ESRRG: variants seen among roughly 807,000 people sequenced by gnomAD.
ESRRG encodes the protein estrogen-related receptor gamma.
A neutral mutation model predicts 44.0 loss-of-function variants in ESRRG; 13 were observed. That is an observed-to-expected ratio of 0.30 (90% CI 0.19 to 0.47). The LOEUF is 0.47. Among genes scored for constraint, ESRRG ranks in the 20% least tolerant of loss-of-function variants. The pLI is 1.00. For missense variants in ESRRG, 395 were observed against 580.6 expected (o/e 0.68, Z 3.29); for synonymous variants, 215 against 214.6 (o/e 1.00, Z -0.02).
chr1:217,056,243 T>C (rs1485937554), intron 1 of ESRRG, among the ~76,000 whole-genome samples: 1 of 152,062 alleles, frequency 6.6e-6, no homozygotes, highest in Non-Finnish European at 1.5e-5. Flanking sequence ...AAGTGAGAAA[T>C]ACTTTAAGAC....
chr1:216,714,667 T>C, intron 1 of ESRRG: 1 of 525,794 alleles, frequency 1.9e-6, no homozygotes, highest in Non-Finnish European at 2.4e-6. Context: ...AAAAATACAA[T>C]TTGAGTTTTT....
At chr1:216,525,431 C>CA (rs1256400396) in intron 5 of ESRRG, among the ~76,000 whole-genome samples, 1 of 152,130 alleles carries the variant, frequency 6.6e-6, no homozygotes, top group Non-Finnish European at 1.5e-5. Context: ...TACTTGACCT[C>CA]AAGTTTACTT....
chr1:216,915,024 T>G (rs1205944858), intron 2 of ESRRG, among the ~76,000 whole-genome samples: 1 of 152,194 alleles, frequency 6.6e-6, no homozygotes, highest in Non-Finnish European at 1.5e-5. Flanking sequence ...GTACTGCTAG[T>G]CACCAGTGTG....
intron 1 of ESRRG, among the ~76,000 whole-genome samples, chr1:217,009,451 C>A (rs927234860): frequency 3.9e-5 from 6 of 152,134 alleles, no homozygotes; most frequent in African/African-American, 1.4e-4. Context: ...CAAATAAGCT[C>A]ACGATTTTAT....
intron 2 of ESRRG, among the ~76,000 whole-genome samples, chr1:216,913,047 C>T (rs1251093257): frequency 6.7e-6 from 1 of 149,834 alleles, no homozygotes; most frequent in Non-Finnish European, 1.5e-5. Context: ...CACTTGAACC[C>T]CAGGGTGTGG....
intron 1 of ESRRG, among the ~76,000 whole-genome samples, chr1:216,972,739 C>CTAG (rs1474111564): frequency 1.3e-5 from 2 of 152,132 alleles, no homozygotes; most frequent in East Asian, 3.8e-4. Context: ...TGTCACTAGG[C>CTAG]CACTGTTATT....
chr1:216,521,138 G>A (rs1334513469), intron 5 of ESRRG, among the ~76,000 whole-genome samples: 1 of 152,092 alleles, frequency 6.6e-6, no homozygotes, highest in Non-Finnish European at 1.5e-5. Flanking sequence ...CTTTTGGACT[G>A]GCTGTGTAAG....
rs531525906 is a variant in ESRRG, at chr1:216,765,562, C to T, written c.-13-88071G>A. On this transcript the variant is annotated intron_variant, in intron 2 of 7. Transcript: ENST00000359162. ...ATCAAGTCCCCTGGGACTGTACTGA[C>T]AGTTATCCTGCTCTACTCTCTCCAA... Among the ~76,000 whole-genome samples, 8 of 152,224 alleles carry T rather than the reference C, an allele frequency of 5.3e-5. No individual in the cohort carries two copies. The South Asian group carries it at 6.2e-4, about 12-fold the overall frequency.
At chr1:216,758,991 ACTTGCAGGAGGTC>A (rs2092620099) in intron 2 of ESRRG, among the ~76,000 whole-genome samples, 1 of 152,062 alleles carries the variant, frequency 6.6e-6, no homozygotes, top group Non-Finnish European at 1.5e-5. Context: ...AAGTAAAGAA[ACTTGCAGGAGGTC>A]ACACTGCTGG....
upstream of ESRRG, among the ~76,000 whole-genome samples, chr1:217,090,265 C>T (rs997577589): frequency 6.6e-6 from 1 of 152,110 alleles, no homozygotes; most frequent in Non-Finnish European, 1.5e-5. Flanking sequence ...TCCCTTTTGA[C>T]CGTCACCAAT....
rs17044261 is a variant in ESRRG, at chr1:216,894,155, G to A, written c.-14+45427C>T. 8.2e-3 allele frequency among the ~76,000 whole-genome samples: 1,254 copies of A among 152,140 alleles called. 13 individuals are homozygous for A. The highest frequency in any genetic ancestry group is 0.029 in the African/African-American group (1,185 of 41,498). ...TTTGCCAAATTGAGTATTCTGCCCC[G>A]ATTATAACCTATGTTCTGCTTGACT... On this transcript the variant is annotated intron_variant, in intron 2 of 7. Coordinates refer to the ESRRG transcript ENST00000359162.
chr1:216,958,337 T>C (rs1476191261), intron 1 of ESRRG, among the ~76,000 whole-genome samples: 2 of 152,188 alleles, frequency 1.3e-5, no homozygotes, highest in Non-Finnish European at 2.9e-5. Flanking sequence ...TTTAGTTTGA[T>C]AAAAACTGCC....
chr1:217,048,542 C>A (rs1423666815), intron 1 of ESRRG, among the ~76,000 whole-genome samples: 1 of 152,132 alleles, frequency 6.6e-6, no homozygotes, highest in Non-Finnish European at 1.5e-5. Flanking sequence ...CCAGAAGTCA[C>A]TCAAACACTC....
At chr1:216,956,488 A>G (rs981788272) in intron 1 of ESRRG, among the ~76,000 whole-genome samples, 2 of 152,164 alleles carry the variant, frequency 1.3e-5, no homozygotes, top group Non-Finnish European at 2.9e-5. Flanking sequence ...TACCAGTACC[A>G]TGCTGTTTTG....
rs571725125 is a variant in ESRRG at position 217,075,594 on chromosome 1, C to CCCG, written c.-106+13912_-106+13913insCGG. ...CTCGCTTCAAATTGCTCCTTTCCCC[C>CCCG]CCCCAACATTAATTACTAGAGTCTA... On this transcript the variant is annotated intron_variant, in intron 1 of 7. Coordinates refer to the ESRRG transcript ENST00000359162. 1.1e-4 allele frequency among the ~76,000 whole-genome samples: 17 copies of CCCG among 148,662 alleles called. No homozygotes were observed. The East Asian group carries it at 3.5e-3, about 31-fold the overall frequency.
intron 5 of ESRRG, among the ~76,000 whole-genome samples, chr1:216,560,143 A>T (rs2058431506): frequency 1.3e-5 from 2 of 152,174 alleles, no homozygotes. Context: ...TATTTATTAC[A>T]TCATCTTCCT....
At chr1:216,885,243 AAT>A (rs1290056269) in intron 2 of ESRRG, among the ~76,000 whole-genome samples, 1 of 151,676 alleles carries the variant, frequency 6.6e-6, no homozygotes, top group Non-Finnish European at 1.5e-5. Flanking sequence ...TCATATATAA[AAT>A]ATGTATGAAC....
intron 1 of ESRRG, among the ~76,000 whole-genome samples, chr1:217,029,151 T>C (rs2081654046): frequency 6.6e-6 from 1 of 152,130 alleles, no homozygotes; most frequent in Non-Finnish European, 1.5e-5. Flanking sequence ...TAGAAAGAAC[T>C]AATTTACTAC....
intron 1 of ESRRG, among the ~76,000 whole-genome samples, chr1:216,696,816 G>T (rs1449681245): frequency 6.6e-6 from 1 of 152,014 alleles, no homozygotes. Context: ...CTGTGCCTCA[G>T]TCATCTGTTA....
Sources: gnomAD v4.1 joint callset for allele counts (sites outside exome capture counted in the v4.1 genomes callset) on GRCh38, gnomAD v4.1.1 for gene constraint, MANE v1.5 for transcripts, NCBI Gene and HGNC (gene_info 2026-07-23, HGNC 2026-07-21) for gene names.